PAK2: variants seen among roughly 807,000 people sequenced by gnomAD.
The protein encoded by PAK2 is p21 (RAC1) activated kinase 2.
In PAK2, 21 loss-of-function variants were observed where a neutral mutation model predicts 65.9. The ratio of observed to expected loss-of-function variants is 0.32; its 90% CI spans 0.23 to 0.46. The LOEUF is 0.46. Among genes scored for constraint, PAK2 ranks in the 20% least tolerant of loss-of-function variants. The probability of loss-of-function intolerance (pLI) is 1.00; values close to 1 mark genes in which losing one functional copy is unlikely to be tolerated. For missense variants in PAK2, 324 were observed against 642.6 expected, an observed-to-expected ratio of 0.50 and a Z score of 5.36; for synonymous variants, 204 against 219.7, an observed-to-expected ratio of 0.93 and a Z score of 0.63.
chr3:196,792,585 T>G (rs902874539), intron 2 of PAK2, among the ~76,000 whole-genome samples: 1 of 152,174 alleles, frequency 6.6e-6, no homozygotes, highest in African/African-American at 2.4e-5. Flanking sequence ...TAAATAAGTA[T>G]TATTGTGTTT....
rs1715629777 is a variant in PAK2, at chr3:196,807,681, A to G, written c.577-101A>G. 5.9e-6 allele frequency: 4 copies of G among 672,428 alleles called. 1 individual carries two copies. Among genetic ancestry groups the G allele is most frequent in the South Asian group, 3.9e-5 (2 of 51,722 alleles). The allele number at this position is 672,428 out of a possible 1,614,324, so 41.7% of individuals were successfully genotyped here. ...ATTATTTAGAACAATGGAAAAGACTACTTAGTTCAGGTTAAAAATCAAAGA... is the reference window on the plus strand; with the variant it reads ...ATTATTTAGAACAATGGAAAAGACTGCTTAGTTCAGGTTAAAAATCAAAGA... On this transcript the variant is annotated intron_variant, in intron 6 of 14. Transcript: ENST00000327134.
intron 13 of PAK2, among the ~76,000 whole-genome samples, chr3:196,825,896 TA>T (rs1183899735): frequency 9.2e-5 from 14 of 152,094 alleles, no homozygotes; most frequent in African/African-American, 3.4e-4. Flanking sequence ...AGGCTGGAGT[TA>T]CAGTGGTGCA....
At chr3:196,800,483 T>C (rs925990375) in intron 2 of PAK2, among the ~76,000 whole-genome samples, 1 of 152,162 alleles carries the variant, frequency 6.6e-6, no homozygotes, top group Non-Finnish European at 1.5e-5. Flanking sequence ...TCTGTAGAAA[T>C]TAATAAGCTT....
At chr3:196,805,301 T>C (rs1187507311) in intron 4 of PAK2, 51 bp from the exon 5 acceptor site, 2 of 968,924 alleles carry the variant, frequency 2.1e-6, no homozygotes, top group East Asian at 2.7e-5. Flanking sequence ...TTTTATCATA[T>C]AAAAGTGCTG....
intron 1 of PAK2, among the ~76,000 whole-genome samples, chr3:196,779,259 C>T (rs1476310059): frequency 6.6e-6 from 1 of 152,204 alleles, no homozygotes; most frequent in African/African-American, 2.4e-5. Context: ...GGGTCGTAAT[C>T]TAATAGTATA....
intron 1 of PAK2, among the ~76,000 whole-genome samples, chr3:196,763,608 A>G (rs1234947915): frequency 6.6e-6 from 1 of 152,188 alleles, no homozygotes; most frequent in Middle Eastern, 3.2e-3. Context: ...GTCACATGAC[A>G]GTAAAAGAAG....
At chr3:196,808,047 G>T in intron 7 of PAK2, 133 bp downstream of exon 7, 1 of 780,754 alleles carries the variant, frequency 1.3e-6, no homozygotes, top group Non-Finnish European at 2.0e-6. Flanking sequence ...TATAGCAACA[G>T]TAGCTTCAAT....
At chr3:196,811,228 C>CCCTCCCTT (rs1715786277) in intron 8 of PAK2, among the ~76,000 whole-genome samples, 6 of 11,664 alleles carry the variant, frequency 5.1e-4, no homozygotes, top group Admixed American at 1.3e-3. Flanking sequence ...TCCCTCCCTT[C>CCCTCCCTT]CCTTCCCTTC....
In PAK2 at chr3:196,825,446, A is replaced by T. The variant is rs556907328; in HGVS notation, c.1351-1750A>T. Among the ~76,000 whole-genome samples the T allele has an allele frequency of 2.6e-5, 4 of 151,888 alleles. No homozygotes were observed. The South Asian group carries it at 6.2e-4, about 24-fold the overall frequency. On this transcript the variant is annotated intron_variant, in intron 13 of 14. Coordinates refer to ENST00000327134, the MANE Select transcript of PAK2 (RefSeq NM_002577.4). ...ATCACAAAGTTGGGAGTTTAAGACCAGCCTGGCCAACACAGTGAAACCCCG... is the reference window on the plus strand; with the variant it reads ...ATCACAAAGTTGGGAGTTTAAGACCTGCCTGGCCAACACAGTGAAACCCCG...
chr3:196,761,775 C>T (rs1253958029), intron 1 of PAK2, among the ~76,000 whole-genome samples: 7 of 145,888 alleles, frequency 4.8e-5, no homozygotes, highest in East Asian at 4.2e-4. Flanking sequence ...GGCGGCTGGC[C>T]GGGCGGGGGG....
intron 5 of PAK2, 110 bp downstream of exon 5, chr3:196,805,493 ATAAC>A: frequency 1.7e-6 from 1 of 576,564 alleles, no homozygotes; most frequent in Non-Finnish European, 3.0e-6. Flanking sequence ...TCAGAGGTAA[ATAAC>A]TACTCAATAG....
At chr3:196,762,262 A>T in intron 1 of PAK2, among the ~76,000 whole-genome samples, 1 of 105,424 alleles carries the variant, frequency 9.5e-6, no homozygotes. Flanking sequence ...ATGGGCGGCC[A>T]GGCAGAGACA....
At chr3:196,799,770 G>A (rs1404857889) in intron 2 of PAK2, among the ~76,000 whole-genome samples, 15 of 152,182 alleles carry the variant, frequency 9.9e-5, no homozygotes, top group South Asian at 6.2e-4. Context: ...TTCTTGTGCC[G>A]CTATACTCGG....
At chr3:196,822,873 T>C in intron 13 of PAK2, among the ~76,000 whole-genome samples, 1 of 151,926 alleles carries the variant, frequency 6.6e-6, no homozygotes, top group Non-Finnish European at 1.5e-5. Flanking sequence ...GCGTTCCTTG[T>C]GTATTGAGAG....
intron 2 of PAK2, among the ~76,000 whole-genome samples, chr3:196,798,796 G>C (rs1379149532): frequency 6.6e-6 from 1 of 152,162 alleles, no homozygotes; most frequent in Non-Finnish European, 1.5e-5. Flanking sequence ...TGAGCCATGG[G>C]TTTGTCTCAA....
intron 5 of PAK2, 85 bp from the exon 6 acceptor site, chr3:196,806,494 C>G: frequency 2.4e-6 from 2 of 818,028 alleles, no homozygotes; most frequent in Admixed American, 3.9e-5. Context: ...AAGAAGCAAA[C>G]TTTTTGAAGT....
At chr3:196,814,131 A>G (rs541489083) in intron 10 of PAK2, among the ~76,000 whole-genome samples, 9 of 152,068 alleles carry the variant, frequency 5.9e-5, no homozygotes, top group African/African-American at 1.2e-4. Context: ...GAGTCACTTC[A>G]CCTCTCCAAG....
intron 1 of PAK2, among the ~76,000 whole-genome samples, chr3:196,769,960 T>G (rs1159582064): frequency 1.3e-5 from 2 of 152,114 alleles, no homozygotes; most frequent in Admixed American, 1.3e-4. Flanking sequence ...GTGAAATTAA[T>G]ACAGTGTTTG....
intron 11 of PAK2, among the ~76,000 whole-genome samples, chr3:196,816,245 C>T (rs969824855): frequency 1.3e-5 from 2 of 152,038 alleles, no homozygotes; most frequent in Non-Finnish European, 2.9e-5. Context: ...ATATATATTT[C>T]CCTTTTCCAT....
Sources: gnomAD v4.1 joint callset for allele counts (sites outside exome capture counted in the v4.1 genomes callset) on GRCh38, gnomAD v4.1.1 for gene constraint, MANE v1.5 for transcripts, NCBI Gene and HGNC (gene_info 2026-07-23, HGNC 2026-07-21) for gene names.